Variants in KCNQ1 observed in about 807,000 individuals in gnomAD.
The protein encoded by KCNQ1 is potassium voltage-gated channel subfamily Q member 1, also known as potassium voltage-gated channel subfamily KQT member 1.
KCNQ1 carries 49 observed loss-of-function variants against 72.4 expected under a neutral mutation model. That is an observed-to-expected ratio of 0.68 (90% CI 0.54 to 0.86). The LOEUF is 0.86. Ranked by LOEUF, KCNQ1 falls within the 40% of genes least tolerant of loss-of-function variation. The pLI, the probability that KCNQ1 is intolerant of heterozygous loss-of-function variation, is 0.00. For synonymous variants in KCNQ1, 450 were observed against 412.6 expected, an observed-to-expected ratio of 1.09 and a Z score of -1.10; for missense variants, 790 against 945.1, an observed-to-expected ratio of 0.84 and a Z score of 2.15.
chr11:2,684,457 A>G (rs766881608), intron 11 of KCNQ1: 16 of 398,528 alleles, frequency 4.0e-5, no homozygotes, highest in Middle Eastern at 6.2e-4. Context: ...CTTTTGGCAA[A>G]AAGACTATGC....
chr11:2,584,074 T>A (rs1848547060), intron 7 of KCNQ1, among the ~76,000 whole-genome samples: 1 of 152,198 alleles, frequency 6.6e-6, no homozygotes. Flanking sequence ...ACTATGGGTA[T>A]GTGTATATGT....
chr11:2,573,086 G>A, intron 6 of KCNQ1, 100 bp downstream of exon 6: 1 of 1,424,424 alleles, frequency 7.0e-7, no homozygotes, highest in Non-Finnish European at 9.5e-7. Flanking sequence ...GGCCTTGGCA[G>A]GGGCTTCTCA....
At chr11:2,485,778 C>A (rs1846731625) in intron 1 of KCNQ1, among the ~76,000 whole-genome samples, 1 of 152,182 alleles carries the variant, frequency 6.6e-6, no homozygotes, top group Non-Finnish European at 1.5e-5. Flanking sequence ...AAAGTGGGAT[C>A]ATTGAGTACT....
At position 2,848,806 on chromosome 11, in the gene KCNQ1, C is replaced by T. The variant is rs1186967364; in HGVS notation, c.*803C>T. ...AACACACAGAAGGGGACTGCCACCT[C>T]CCCTTGCCAGCTGCTGAGCCGCAGA... On this transcript the variant is annotated 3_prime_UTR_variant, in exon 16 of 16. Transcript: ENST00000155840. The T allele has an allele frequency of 8.8e-6, 4 of 454,052 alleles. No homozygotes were observed. In the Admixed American group the frequency reaches 9.4e-5, roughly 11 times the overall value. The allele number at this position is 454,052 out of a possible 1,614,324, so 28.1% of individuals were successfully genotyped here. A position where few individuals can be genotyped will look rare whatever the true frequency, so the allele number is the denominator to read the frequency against.
In KCNQ1 at chr11:2,621,698, C is replaced by A; in HGVS notation, c.1393+32844C>A. The A allele has an allele frequency of 5.0e-6, 2 of 398,368 alleles. No homozygotes were observed. The highest frequency in any genetic ancestry group is 8.8e-6 in the Non-Finnish European group (2 of 225,992). The allele number at this position is 398,368 out of a possible 1,614,324, so 24.7% of individuals were successfully genotyped here. A position where few individuals can be genotyped will look rare whatever the true frequency, so the allele number is the denominator to read the frequency against. ...ATTGTTCATAAAAGTCCCTTATGAT[C>A]CTTTTTATTTCTGAAGTACCTGTTG... On this transcript the variant is annotated intron_variant, in intron 10 of 15. Transcript: ENST00000155840. The surrounding 1 kb of genome is among the most constrained non-coding windows in gnomAD (Gnocchi z 5.7).
chr11:2,814,790 C>G (rs1847581388), intron 15 of KCNQ1, among the ~76,000 whole-genome samples: 1 of 152,172 alleles, frequency 6.6e-6, no homozygotes, highest in African/African-American at 2.4e-5. Flanking sequence ...CCTCCTGCTC[C>G]ATCTGCCTCT....
rs534350092 is a variant in KCNQ1 at position 2,786,954 on chromosome 11, T to G, written c.1794+8917T>G. Among the ~76,000 whole-genome samples the G allele has an allele frequency of 8.4e-4, 127 of 151,472 alleles. 1 individual carries two copies. The highest frequency in any genetic ancestry group is 3.4e-3 in the Middle Eastern group (1 of 294). On this transcript the variant is annotated intron_variant, in intron 15 of 15. Transcript: ENST00000155840. The stretch of plus-strand genomic sequence containing the variant: ...TGGTGTTTCATTTCGTTTCTGTTTT[T>G]TTTTTTTTTTTCATTGTAAACTTAT...
intron 11 of KCNQ1, chr11:2,672,251 C>G (rs771296151): frequency 2.5e-6 from 1 of 398,460 alleles, no homozygotes; most frequent in Non-Finnish European, 4.4e-6. Flanking sequence ...CTTTTTTCTG[C>G]TTTTCTTTTT....
intron 11 of KCNQ1, among the ~76,000 whole-genome samples, chr11:2,742,365 G>A (rs922057584): frequency 2.6e-5 from 4 of 152,196 alleles, no homozygotes; most frequent in African/African-American, 9.7e-5. Flanking sequence ...CCCTCAAGCC[G>A]GTCCCCATGT....
intron 15 of KCNQ1, among the ~76,000 whole-genome samples, chr11:2,838,402 C>G (rs1848129490): frequency 6.6e-6 from 1 of 152,136 alleles, no homozygotes; most frequent in Non-Finnish European, 1.5e-5. Flanking sequence ...GGCCAGACCA[C>G]AGGGTTGTGA....
rs1850991011 is a variant in KCNQ1 at position 2,710,912 on chromosome 11, T to C, written c.1514+48831T>C. On this transcript the variant is annotated intron_variant, in intron 11 of 15. Coordinates refer to ENST00000155840, the MANE Select transcript of KCNQ1 (RefSeq NM_000218.3). This position sits in a 1 kb window ranked among gnomAD's most constrained non-coding sequence, Gnocchi z 4.1. ...GTGAGTTTTAAAATTGGAAAGTGGG[T>C]TTTCCAACTTTGTTTTTCTTTTTCA... 6.6e-6 allele frequency among the ~76,000 whole-genome samples: 1 copy of C among 152,194 alleles called. No homozygotes were observed. Among genetic ancestry groups the C allele is most frequent in the Non-Finnish European group, 1.5e-5 (1 of 68,024 alleles).
At chr11:2,760,744 G>A (rs1846379660) in intron 11 of KCNQ1, among the ~76,000 whole-genome samples, 2 of 152,230 alleles carry the variant, frequency 1.3e-5, no homozygotes, top group African/African-American at 4.8e-5. Flanking sequence ...GCTCGCTCCT[G>A]CATCAGTGCT....
intron 11 of KCNQ1, chr11:2,693,529 G>A: frequency 5.0e-6 from 2 of 398,682 alleles, no homozygotes; most frequent in Non-Finnish European, 8.8e-6. Context: ...GCTGAGGCCC[G>A]GGCTGCTAGG....
At chr11:2,714,006 G>A (rs572028492) in intron 11 of KCNQ1, among the ~76,000 whole-genome samples, 26 of 152,288 alleles carry the variant, frequency 1.7e-4, no homozygotes, top group African/African-American at 6.0e-4. Flanking sequence ...TGTGGGGGGC[G>A]CCTTGGGGCA....
intron 2 of KCNQ1, among the ~76,000 whole-genome samples, chr11:2,558,766 G>GA (rs1236606145): frequency 6.6e-6 from 1 of 152,160 alleles, no homozygotes; most frequent in Non-Finnish European, 1.5e-5. Flanking sequence ...TAAAATTACT[G>GA]AGAGGCCCCA....
At position 2,451,842 on chromosome 11, in the gene KCNQ1, C is replaced by T. The variant is rs1589887681; in HGVS notation, c.386+6358C>T. 6.6e-6 allele frequency among the ~76,000 whole-genome samples: 1 copy of T among 152,214 alleles called. No homozygotes were observed. Among genetic ancestry groups the T allele is most frequent in the Non-Finnish European group, 1.5e-5 (1 of 68,046 alleles). ...AGGCCTGGCCACTTTGCTCATGCCA[C>T]ACCCAGAAAGCCCTCAGGACACCCA... On this transcript the variant is annotated intron_variant, in intron 1 of 15. Transcript: ENST00000155840. The surrounding 1 kb of genome is among the most constrained non-coding windows in gnomAD (Gnocchi z 6.4).
intron 15 of KCNQ1, among the ~76,000 whole-genome samples, chr11:2,793,090 T>C (rs1248757132): frequency 6.6e-6 from 1 of 152,212 alleles, no homozygotes; most frequent in Non-Finnish European, 1.5e-5. Flanking sequence ...GAGGAGATGC[T>C]GATGCCTGGG....
intron 15 of KCNQ1, among the ~76,000 whole-genome samples, chr11:2,823,942 A>G (rs1355465521): frequency 6.6e-6 from 1 of 152,192 alleles, no homozygotes; most frequent in East Asian, 1.9e-4. Flanking sequence ...ACAAGTCGAG[A>G]AACCATGTGG....
intron 11 of KCNQ1, chr11:2,686,427 G>C (rs1436552795): frequency 2.0e-5 from 8 of 398,528 alleles, no homozygotes; most frequent in Admixed American, 4.4e-5. Flanking sequence ...CCTATGCCCA[G>C]AGCCCCTCCA....
Sources: gnomAD v4.1 joint callset for allele counts (sites outside exome capture counted in the v4.1 genomes callset) on GRCh38, gnomAD v4.1.1 for gene constraint, Gnocchi (gnomAD v3.1) non-coding constraint, MANE v1.5 for transcripts, NCBI Gene and HGNC (gene_info 2026-07-23, HGNC 2026-07-21) for gene names.